The following FAM135B variants were observed in gnomAD, a reference collection of about 807,000 sequenced individuals.
FAM135B encodes protein FAM135B.
In FAM135B, 43 loss-of-function variants were observed where a neutral mutation model predicts 127.7. The observed-to-expected ratio is 0.34, with a 90% CI of 0.26 to 0.43. The LOEUF is 0.43. Ranked by LOEUF, FAM135B falls within the 20% of genes least tolerant of loss-of-function variation. FAM135B has a pLI of 1.00. For missense variants in FAM135B, 1,558 were observed against 1,725.6 expected, an observed-to-expected ratio of 0.90 and a Z score of 1.72; for synonymous variants, 670 against 665.1, an observed-to-expected ratio of 1.01 and a Z score of -0.11.
chr8:138,455,201 G>A (rs1017152380), intron 1 of FAM135B, among the ~76,000 whole-genome samples: 2 of 152,138 alleles, frequency 1.3e-5, no homozygotes, highest in African/African-American at 4.8e-5. Context: ...AAATACTCTG[G>A]AGGTTAAATA....
chr8:138,254,499 C>T (rs767855666), intron 5 of FAM135B, among the ~76,000 whole-genome samples: 7 of 151,988 alleles, frequency 4.6e-5, no homozygotes, highest in Admixed American at 2.6e-4. Context: ...TTAATGGAGG[C>T]GTTAATGACA....
chr8:138,252,009 T>C (rs1215568503), intron 5 of FAM135B, among the ~76,000 whole-genome samples: 1 of 152,156 alleles, frequency 6.6e-6, no homozygotes, highest in African/African-American at 2.4e-5. Flanking sequence ...TTGTTCCTTG[T>C]GCGCAAACAA....
chr8:138,300,249 T>C (rs1476852947), intron 3 of FAM135B, among the ~76,000 whole-genome samples: 1 of 126,452 alleles, frequency 7.9e-6, no homozygotes, highest in African/African-American at 3.0e-5. Context: ...TCCCACTGTG[T>C]GTTCCTTGGG....
intron 6 of FAM135B, among the ~76,000 whole-genome samples, chr8:138,250,007 T>C (rs1821577855): frequency 6.6e-6 from 1 of 152,224 alleles, no homozygotes; most frequent in African/African-American, 2.4e-5. Flanking sequence ...ACCTCAGTGC[T>C]TCACATGATC....
At chr8:138,283,561 C>A in intron 3 of FAM135B, among the ~76,000 whole-genome samples, 1 of 152,012 alleles carries the variant, frequency 6.6e-6, no homozygotes, top group East Asian at 1.9e-4. Flanking sequence ...TTTGTGCAAA[C>A]CCACAGAATG....
intron 6 of FAM135B, among the ~76,000 whole-genome samples, chr8:138,247,069 T>C (rs1375431496): frequency 6.6e-6 from 1 of 152,246 alleles, no homozygotes; most frequent in African/African-American, 2.4e-5. Flanking sequence ...ACCCCCAATG[T>C]ATCTAGGAAA....
chr8:138,340,519 C>G (rs367825143), intron 2 of FAM135B, among the ~76,000 whole-genome samples: 1 of 152,134 alleles, frequency 6.6e-6, no homozygotes, highest in Admixed American at 6.5e-5. Context: ...TGGGTCCTGG[C>G]CACACAGCTA....
At position 138,224,049 on chromosome 8, in the gene FAM135B, C is replaced by G. The variant is rs553859887; in HGVS notation, c.669+18893G>C. Reference sequence around the variant, plus strand: ...ATTACTAGAGGACGGGGGTGGGGGGCAAGGGTTGAAAAATTAACTGTTGCA... The same window carrying G: ...ATTACTAGAGGACGGGGGTGGGGGGGAAGGGTTGAAAAATTAACTGTTGCA... On this transcript the variant is annotated intron_variant, in intron 7 of 19. Transcript: ENST00000395297. Among the ~76,000 whole-genome samples, 22 of 151,542 alleles carry G rather than the reference C, an allele frequency of 1.5e-4. 1 individual carries two copies. Among genetic ancestry groups the G allele is most frequent in the African/African-American group, 5.3e-4 (22 of 41,278 alleles).
intron 1 of FAM135B, among the ~76,000 whole-genome samples, chr8:138,396,694 C>T (rs1832872840): frequency 6.6e-6 from 1 of 152,178 alleles, no homozygotes; most frequent in South Asian, 2.1e-4. Context: ...GCAGATCTTC[C>T]CTGAAGTCTT....
At chr8:138,162,214 T>C (rs1325452803) in intron 12 of FAM135B, among the ~76,000 whole-genome samples, 12 of 152,152 alleles carry the variant, frequency 7.9e-5, no homozygotes, top group Admixed American at 6.5e-5. Flanking sequence ...TACAGCTATC[T>C]CTTCTGCCAA....
At position 138,136,636 on chromosome 8, in the gene FAM135B, C is replaced by A. The variant is rs186257293; in HGVS notation, c.4015+511G>T. On this transcript the variant is annotated intron_variant, in intron 19 of 19. Transcript: ENST00000395297. ...AATTAACCAAAGGAAACCACAAATG[C>A]CAGCCCACATCCATCTTGATTGTCT... Among the ~76,000 whole-genome samples the A allele has an allele frequency of 3.9e-5, 6 of 152,240 alleles. No homozygotes were observed. The East Asian group carries it at 1.2e-3, about 29-fold the overall frequency.
chr8:138,321,054 G>A (rs1428505024), intron 2 of FAM135B, among the ~76,000 whole-genome samples: 1 of 152,092 alleles, frequency 6.6e-6, no homozygotes, highest in African/African-American at 2.4e-5. Flanking sequence ...CAGACACTCT[G>A]GAGTCTGAAC....
At chr8:138,403,843 T>A (rs1325757158) in intron 1 of FAM135B, among the ~76,000 whole-genome samples, 1 of 152,200 alleles carries the variant, frequency 6.6e-6, no homozygotes, top group Admixed American at 6.5e-5. Context: ...CAACTAGATG[T>A]CGGAGGCAAC....
chr8:138,148,273 A>G (rs79487977), intron 14 of FAM135B, among the ~76,000 whole-genome samples: 33 of 152,184 alleles, frequency 2.2e-4, no homozygotes, highest in African/African-American at 7.5e-4. Context: ...GATTTATTCC[A>G]TTCACTCCTT....
At chr8:138,408,723 A>T (rs922300399) in intron 1 of FAM135B, among the ~76,000 whole-genome samples, 5 of 152,098 alleles carry the variant, frequency 3.3e-5, no homozygotes, top group Admixed American at 2.6e-4. Flanking sequence ...GCACAGGGGA[A>T]CTGCCACTTT....
At chr8:138,447,802 T>C (rs1836269998) in intron 1 of FAM135B, among the ~76,000 whole-genome samples, 1 of 115,886 alleles carries the variant, frequency 8.6e-6, no homozygotes, top group East Asian at 2.1e-4. Context: ...GAACTTAAAG[T>C]ATAATAATAA....
At chr8:138,489,840 A>G (rs1587561763) in intron 1 of FAM135B, among the ~76,000 whole-genome samples, 1 of 152,132 alleles carries the variant, frequency 6.6e-6, no homozygotes, top group South Asian at 2.1e-4. Flanking sequence ...ACGTTTATCT[A>G]TGTAACTCCT....
At chr8:138,443,967 C>A (rs1835955644) in intron 1 of FAM135B, among the ~76,000 whole-genome samples, 1 of 151,942 alleles carries the variant, frequency 6.6e-6, no homozygotes, top group African/African-American at 2.4e-5. Flanking sequence ...ATCTACCAAG[C>A]AAATGGAAAA....
At chr8:138,453,397 C>A (rs113213966) in intron 1 of FAM135B, among the ~76,000 whole-genome samples, 2 of 137,824 alleles carry the variant, frequency 1.5e-5, no homozygotes, top group Admixed American at 1.4e-4. Flanking sequence ...ATTCCTGCCC[C>A]TGTCTTCTCT....
Sources: allele counts gnomAD v4.1 joint callset (sites outside exome capture counted in the v4.1 genomes callset), GRCh38; gene constraint gnomAD v4.1.1; transcripts MANE v1.5; gene names NCBI Gene and HGNC (gene_info 2026-07-23, HGNC 2026-07-21).